The following FHIT variants were observed in gnomAD, a reference collection of about 807,000 sequenced individuals.
FHIT encodes the protein fragile histidine triad diadenosine triphosphatase, also known as bis(5'-adenosyl)-triphosphatase.
In FHIT, 19 loss-of-function variants were observed where a neutral mutation model predicts 17.9. The observed-to-expected ratio is 1.06, with a 90% CI of 0.74 to 1.56. The LOEUF is 1.56. Among genes scored for constraint, FHIT ranks in the 40% most tolerant of loss-of-function variants. FHIT has a pLI of 0.00. For synonymous variants in FHIT, 81 were observed against 69.7 expected (o/e 1.16, Z -0.81); for missense variants, 248 against 189.2 (o/e 1.31, Z -1.82).
intron 5 of FHIT, among the ~76,000 whole-genome samples, chr3:60,326,495 G>C (rs1709701340): frequency 6.6e-6 from 1 of 152,106 alleles, no homozygotes; most frequent in African/African-American, 2.4e-5. Context: ...GGGAGTGATG[G>C]GGGAGCGGCT....
At chr3:60,576,981 G>C (rs1340347774) in intron 4 of FHIT, among the ~76,000 whole-genome samples, 23 of 81,000 alleles carry the variant, frequency 2.8e-4, no homozygotes, top group East Asian at 5.3e-4. Context: ...CACACACACA[G>C]GTCTCATCCA....
intron 3 of FHIT, among the ~76,000 whole-genome samples, chr3:60,992,509 GT>G (rs2107585410): frequency 6.6e-6 from 1 of 152,292 alleles, no homozygotes; most frequent in East Asian, 1.9e-4. Flanking sequence ...TTAGGAGCCA[GT>G]TAATTTCCAA....
At chr3:60,220,350 C>T (rs1381754772) in intron 5 of FHIT, among the ~76,000 whole-genome samples, 2 of 151,988 alleles carry the variant, frequency 1.3e-5, no homozygotes, top group Admixed American at 6.6e-5. Context: ...TGCCTGTCCC[C>T]ACCTAAGTTA....
intron 1 of FHIT, among the ~76,000 whole-genome samples, chr3:61,231,441 A>G (rs554839556): frequency 6.6e-6 from 1 of 152,046 alleles, no homozygotes; most frequent in African/African-American, 2.4e-5. Context: ...TGGAGCCATG[A>G]TCATGCCACT....
In FHIT at chr3:60,320,311, C is replaced by T. The variant is rs541412835; in HGVS notation, c.103+216549G>A. On this transcript the variant is annotated intron_variant, in intron 5 of 9. Coordinates refer to ENST00000492590, the MANE Select transcript of FHIT (RefSeq NM_002012.4). ...TGGGGGTGGCGCAGGATAGCGGCAG[C>T]GTTATTGTGACTAGGTGGTGGTTAA... Among the ~76,000 whole-genome samples, 26 of 152,136 alleles carry T rather than the reference C, an allele frequency of 1.7e-4. No individual in the cohort carries two copies. In the East Asian group the frequency reaches 4.5e-3, roughly 26 times the overall value.
intron 2 of FHIT, among the ~76,000 whole-genome samples, chr3:61,172,951 C>T (rs2038050185): frequency 6.6e-6 from 1 of 152,078 alleles, no homozygotes; most frequent in Non-Finnish European, 1.5e-5. Context: ...GCAGGCCTAG[C>T]CAAAACAAAG....
At chr3:60,147,462 G>T (rs1439038462) in intron 5 of FHIT, among the ~76,000 whole-genome samples, 1 of 152,170 alleles carries the variant, frequency 6.6e-6, no homozygotes, top group Non-Finnish European at 1.5e-5. Flanking sequence ...AGGATGCAGT[G>T]CCTTTGCGCT....
intron 5 of FHIT, among the ~76,000 whole-genome samples, chr3:60,388,050 G>T (rs749026953): frequency 2.0e-5 from 3 of 152,106 alleles, no homozygotes; most frequent in African/African-American, 4.8e-5. Context: ...GAAGCTTCCT[G>T]AGGCCCTACC....
chr3:59,821,019 A>T (rs1455333976), intron 8 of FHIT, among the ~76,000 whole-genome samples: 1 of 152,178 alleles, frequency 6.6e-6, no homozygotes, highest in Non-Finnish European at 1.5e-5. Context: ...GACTTTCTGA[A>T]TTCAAAGTGC....
At chr3:60,298,430 T>G (rs975696512) in intron 5 of FHIT, among the ~76,000 whole-genome samples, 44 of 152,236 alleles carry the variant, frequency 2.9e-4, no homozygotes, top group African/African-American at 9.9e-4. Flanking sequence ...TTTTAGGAAT[T>G]GTGCACCCGG....
intron 8 of FHIT, among the ~76,000 whole-genome samples, chr3:59,873,832 A>G (rs748958400): frequency 1.3e-5 from 2 of 152,116 alleles, no homozygotes; most frequent in Non-Finnish European, 2.9e-5. Flanking sequence ...TCACTTTCAC[A>G]TGTGTTCCAG....
At chr3:60,456,396 T>G (rs2032095806) in intron 5 of FHIT, among the ~76,000 whole-genome samples, 1 of 152,212 alleles carries the variant, frequency 6.6e-6, no homozygotes, top group Admixed American at 6.5e-5. Context: ...TACTTCACTT[T>G]CATGCTGACT....
intron 6 of FHIT, among the ~76,000 whole-genome samples, chr3:60,011,696 A>G (rs527807945): frequency 6.6e-6 from 1 of 152,172 alleles, no homozygotes; most frequent in East Asian, 1.9e-4. Flanking sequence ...GGAAGGCTGA[A>G]AATGTTTGGG....
At chr3:59,958,535 A>T (rs1707514548) in intron 7 of FHIT, among the ~76,000 whole-genome samples, 1 of 152,216 alleles carries the variant, frequency 6.6e-6, no homozygotes, top group African/African-American at 2.4e-5. Flanking sequence ...CTCACATGTA[A>T]GGGAAGATAA....
At position 59,879,946 on chromosome 3, in the gene FHIT, G is replaced by A. The variant is rs1224240209; in HGVS notation, c.348+42400C>T. On this transcript the variant is annotated intron_variant, in intron 8 of 9. Coordinates refer to ENST00000492590, the MANE Select transcript of FHIT (RefSeq NM_002012.4). ...CCCCCCCCCCCCGCCCCTTAGCAAC[G>A]TGGCCAAGTGCCACATCCAAAGGAA... is the stretch of plus-strand genomic sequence containing the variant. Among the ~76,000 whole-genome samples the A allele has an allele frequency of 6.5e-5, 5 of 76,912 alleles. No individual in the cohort carries two copies. The Admixed American group carries it at 7.1e-4, about 11-fold the overall frequency. The allele number at this position is 76,912 out of a possible 152,430, so 50.5% of individuals were successfully genotyped here.
chr3:60,049,382 CT>C (rs1701782537), intron 5 of FHIT, among the ~76,000 whole-genome samples: 1 of 152,076 alleles, frequency 6.6e-6, no homozygotes, highest in Non-Finnish European at 1.5e-5. Context: ...TTTAATTTAT[CT>C]TTAATTTAAA....
intron 3 of FHIT, among the ~76,000 whole-genome samples, chr3:60,956,286 G>T (rs1469466361): frequency 1.3e-5 from 2 of 152,138 alleles, no homozygotes; most frequent in African/African-American, 4.8e-5. Context: ...AAGGATTCTG[G>T]ATGAGGAATT....
chr3:60,504,161 C>T (rs1048435219), intron 5 of FHIT, among the ~76,000 whole-genome samples: 1 of 152,170 alleles, frequency 6.6e-6, no homozygotes, highest in African/African-American at 2.4e-5. Context: ...TTTGGCCGGG[C>T]AGCGTGCCTC....
At chr3:60,932,722 T>C (rs9758573) in intron 3 of FHIT, among the ~76,000 whole-genome samples, 1 of 152,150 alleles carries the variant, frequency 6.6e-6, no homozygotes, top group Non-Finnish European at 1.5e-5. Context: ...TTCCCTTAAA[T>C]CTACCCACAC....
Sources: allele counts gnomAD v4.1 joint callset (sites outside exome capture counted in the v4.1 genomes callset), GRCh38; gene constraint gnomAD v4.1.1; transcripts MANE v1.5; gene names NCBI Gene and HGNC (gene_info 2026-07-23, HGNC 2026-07-21).